GSE1: variants seen among roughly 807,000 people sequenced by gnomAD.
The protein encoded by GSE1 is genetic suppressor element 1.
Under a neutral mutation model 112.6 loss-of-function variants are expected in GSE1, and 32 were observed. That is an observed-to-expected ratio of 0.28 (90% CI 0.21 to 0.38). The LOEUF (loss-of-function observed/expected upper bound fraction) is 0.38. Ranked by LOEUF, GSE1 falls within the 10% of genes least tolerant of loss-of-function variation. GSE1 has a pLI of 1.00. For synonymous variants in GSE1, 1,115 were observed against 735.6 expected (o/e 1.52, Z -8.35); for missense variants, 2,348 against 1,699.2 (o/e 1.38, Z -6.71).
At chr16:85,331,552 TATGTGTATATGTGTATATATGTGTAC>T (rs1403977735) in intron 1 of GSE1, among the ~76,000 whole-genome samples, 1 of 87,456 alleles carries the variant, frequency 1.1e-5, no homozygotes, top group African/African-American at 5.4e-5. Context: ...TGTGTGTATA[TATGTGTATATGTGTATATATGTGTAC>T]ATGTGTATAT....
chr16:85,609,445 C>T (rs2047865027), upstream of GSE1, among the ~76,000 whole-genome samples: 1 of 152,198 alleles, frequency 6.6e-6, no homozygotes, highest in African/African-American at 2.4e-5. Context: ...CTGGAATTTT[C>T]AGTTTTGTTT....
intron 2 of GSE1, chr16:85,490,826 A>G (rs2050987701): frequency 6.6e-6 from 1 of 152,266 alleles, no homozygotes; most frequent in African/African-American, 2.4e-5. Context: ...AAAGCCTTTA[A>G]TCACATTTGT....
Position 85,311,706 on chromosome 16 carries a change from C to T in GSE1, c.2284-45757C>T, listed in dbSNP as rs1227924380. ...CTCTTGGGGCCCTGGATACCTCCTG[C>T]CTGCTTCATTTCCCAGATGTCTTAG... On this transcript the variant is annotated intron_variant, in intron 1 of 2. Transcript: ENST00000637419. The surrounding 1 kb of genome is among the most constrained non-coding windows in gnomAD (Gnocchi z 4.2). Among the ~76,000 whole-genome samples the T allele has an allele frequency of 2.6e-5, 4 of 152,128 alleles. No individual in the cohort carries two copies. The highest frequency in any genetic ancestry group is 5.9e-5 in the Non-Finnish European group (4 of 68,002).
At chr16:85,171,557 A>C (rs1216712388) in exon 1 of GSE1, 5 of 985,550 alleles carry the variant, frequency 5.1e-6, no homozygotes, top group Non-Finnish European at 6.0e-6. Flanking sequence ...CGGCAGTACC[A>C]GGTGGAGACG....
intron 2 of GSE1, among the ~76,000 whole-genome samples, chr16:85,646,667 A>G (rs2151857350): frequency 6.6e-6 from 1 of 152,276 alleles, no homozygotes; most frequent in African/African-American, 2.4e-5. Context: ...GTACAAGTCC[A>G]CAACCGTGTG....
chr16:85,182,939 C>T (rs988094615), intron 1 of GSE1, among the ~76,000 whole-genome samples: 11 of 152,262 alleles, frequency 7.2e-5, no homozygotes, highest in South Asian at 2.1e-4. Flanking sequence ...GCACCACGCT[C>T]GCACACTTGT....
At chr16:85,341,050 C>T (rs1002953204) in intron 1 of GSE1, among the ~76,000 whole-genome samples, 12 of 152,210 alleles carry the variant, frequency 7.9e-5, no homozygotes, top group African/African-American at 2.9e-4. Flanking sequence ...GCAGATGCTG[C>T]ACCTGTGTTG....
intron 1 of GSE1, among the ~76,000 whole-genome samples, chr16:85,346,128 C>T (rs575079559): frequency 1.4e-5 from 1 of 71,750 alleles, no homozygotes; most frequent in Admixed American, 2.1e-4. Context: ...GATGGATGAA[C>T]AATGGATGGG....
At chr16:85,562,084 G>A (rs1567591172) in intron 1 of GSE1, among the ~76,000 whole-genome samples, 2 of 152,244 alleles carry the variant, frequency 1.3e-5, no homozygotes, top group South Asian at 2.1e-4. Context: ...CACTCTGGGC[G>A]CAGGTTAGGC....
At chr16:85,246,200 T>TACACACACACACACAC (rs545313239) in intron 1 of GSE1, among the ~76,000 whole-genome samples, 5 of 89,118 alleles carry the variant, frequency 5.6e-5, no homozygotes, top group African/African-American at 2.0e-4. Context: ...TCAGGGACCC[T>TACACACACACACACAC]ACACACACAC....
rs1464412080 is a variant in GSE1 at position 85,675,642 on chromosome 16, A to G, written c.*3103A>G. 6.6e-6 allele frequency: 1 copy of G among 152,236 alleles called. No homozygotes were observed. The highest frequency in any genetic ancestry group is 1.5e-5 in the Non-Finnish European group (1 of 68,038). The allele number at this position is 152,236 out of a possible 1,614,324, so 9.4% of individuals were successfully genotyped here. ...GAATGGTATTTTCCTCAAGTAGCTC[A>G]TAATACTGCCAAATCTCAAAAGTTA... On this transcript the variant is annotated 3_prime_UTR_variant, in exon 16 of 16. Transcript: ENST00000253458.
In GSE1 at chr16:85,654,556, G is replaced by T. The variant is rs559647458; in HGVS notation, c.599+106G>T. 2.9e-6 allele frequency: 3 copies of T among 1,020,384 alleles called. No individual in the cohort carries two copies. In the African/African-American group the frequency reaches 4.8e-5, roughly 16 times the overall value. 63.2% of individuals were successfully genotyped at this position (1,020,384 alleles called of 1,614,324 possible). A position where few individuals can be genotyped will look rare whatever the true frequency, so the allele number is the denominator to read the frequency against. On this transcript the variant is annotated intron_variant, in intron 4 of 15. Transcript: ENST00000253458. ...GGTCTGCACAGATGAGGCTGTGCCT[G>T]CTAGATGGTTGTCGGCCGCTGAGCC...
chr16:85,453,819 G>A (rs753449059), intron 2 of GSE1, among the ~76,000 whole-genome samples: 2 of 152,202 alleles, frequency 1.3e-5, no homozygotes, highest in Admixed American at 6.5e-5. Flanking sequence ...GTCTGACCTC[G>A]GCCGGCCCCA....
intron 2 of GSE1, among the ~76,000 whole-genome samples, chr16:85,462,866 C>T (rs1022363758): frequency 1.3e-5 from 2 of 148,282 alleles, no homozygotes; most frequent in Non-Finnish European, 3.0e-5. Context: ...GGCCCCTCCC[C>T]GGGCTCCACG....
At chr16:85,662,867 A>C in intron 9 of GSE1, 114 bp from the exon 10 acceptor site, 1 of 712,624 alleles carries the variant, frequency 1.4e-6, no homozygotes, top group Non-Finnish European at 2.4e-6. Flanking sequence ...CAGGGTGTTC[A>C]GGTGCCAGCA....
chr16:85,658,154 T>C (rs553309511), intron 8 of GSE1, among the ~76,000 whole-genome samples: 1 of 152,340 alleles, frequency 6.6e-6, no homozygotes, highest in African/African-American at 2.4e-5. Flanking sequence ...ACACAGGTCT[T>C]ATGAGCTGGG....
At chr16:85,218,041 C>T (rs545329776) in intron 1 of GSE1, among the ~76,000 whole-genome samples, 2 of 152,268 alleles carry the variant, frequency 1.3e-5, no homozygotes, top group African/African-American at 4.8e-5. Flanking sequence ...ACTGGGACTA[C>T]AGGCACGCAC....
rs775346192 is a variant in GSE1, at chr16:85,416,346, A to G, written c.2464+58703A>G. On this transcript the variant is annotated intron_variant, in intron 2 of 2. Coordinates refer to the GSE1 transcript ENST00000637419. The stretch of plus-strand genomic sequence containing the variant: ...GGGCCGCCTAATTTCTCAAGGTTGA[A>G]TGTATAATTCTGCTCTGTGGGGTTT... Among the ~76,000 whole-genome samples the G allele has an allele frequency of 2.1e-4, 32 of 152,024 alleles. 2 individuals carry two copies. Among genetic ancestry groups the G allele is most frequent in the Non-Finnish European group, 1.2e-4 (8 of 67,990 alleles).
intron 2 of GSE1, among the ~76,000 whole-genome samples, chr16:85,388,285 T>A: frequency 9.3e-6 from 1 of 107,308 alleles, no homozygotes; most frequent in African/African-American, 4.3e-5. Flanking sequence ...GGTGAGTGGA[T>A]GGGTGGGTGG....
Sources: allele counts gnomAD v4.1 joint callset (sites outside exome capture counted in the v4.1 genomes callset), GRCh38; gene constraint gnomAD v4.1.1; non-coding constraint Gnocchi (gnomAD v3.1); transcripts MANE v1.5; gene names NCBI Gene and HGNC (gene_info 2026-07-23, HGNC 2026-07-21).